Variants in TMPRSS7 observed in about 807,000 individuals in gnomAD.
TMPRSS7 encodes the protein transmembrane serine protease 7.
TMPRSS7 carries 81 observed loss-of-function variants against 95.6 expected under a neutral mutation model. That is an observed-to-expected ratio of 0.85 (90% confidence interval 0.71 to 1.02). TMPRSS7 has a LOEUF of 1.02. Ranked by LOEUF, TMPRSS7 falls within the 50% of genes least tolerant of loss-of-function variation. The probability of loss-of-function intolerance (pLI) is 0.00; values close to 1 mark genes in which losing one functional copy is unlikely to be tolerated. For synonymous variants in TMPRSS7, 364 were observed against 337.8 expected, an observed-to-expected ratio of 1.08 and a Z score of -0.85; for missense variants, 945 against 955.2, an observed-to-expected ratio of 0.99 and a Z score of 0.14.
intron 15 of TMPRSS7, among the ~76,000 whole-genome samples, chr3:112,076,051 A>G (rs150602817): frequency 1.3e-3 from 203 of 152,318 alleles, no homozygotes; most frequent in Non-Finnish European, 9.8e-4. Context: ...TTATTAAGAT[A>G]GCTTCACATC....
intron 16 of TMPRSS7, among the ~76,000 whole-genome samples, chr3:112,077,425 G>A (rs575570902): frequency 1.3e-5 from 2 of 152,256 alleles, no homozygotes; most frequent in South Asian, 4.1e-4. Context: ...AAACTCTGAA[G>A]GTTATGCTAT....
rs370919980 is a variant in TMPRSS7 at position 112,045,885 on chromosome 3, G to C, written c.633G>C (p.Arg211=). ...CCATCCAGACAAGCATCATAAACCG[G>C]ACCTCTGTGGGGAGCTTGCAGGGAC... Residue 211 remains arginine, a synonymous_variant, in exon 5 of 18, where the codon CGG becomes CGC. Transcript: ENST00000452346. 2.9e-5 allele frequency: 45 copies of C among 1,551,882 alleles called. No homozygotes were observed. In the African/African-American group the frequency reaches 5.9e-4, roughly 20 times the overall value.
At chr3:112,070,683 A>C (rs950129935) in intron 13 of TMPRSS7, among the ~76,000 whole-genome samples, 1 of 152,166 alleles carries the variant, frequency 6.6e-6, no homozygotes, top group Admixed American at 6.5e-5. Context: ...TTTGCTTGGT[A>C]GATCTTCCTC....
intron 10 of TMPRSS7, among the ~76,000 whole-genome samples, chr3:112,057,365 T>A (rs961770966): frequency 1.3e-5 from 2 of 152,242 alleles, no homozygotes; most frequent in Non-Finnish European, 2.9e-5. Flanking sequence ...GGGCTACAGA[T>A]ATGTATATTC....
intron 4 of TMPRSS7, among the ~76,000 whole-genome samples, chr3:112,044,833 T>C (rs1023402824): frequency 4.7e-5 from 7 of 149,326 alleles, no homozygotes; most frequent in African/African-American, 1.7e-4. Context: ...AGCCTTGGAG[T>C]ATAGCAACTT....
intron 10 of TMPRSS7, among the ~76,000 whole-genome samples, chr3:112,058,175 T>C (rs1051956983): frequency 6.6e-6 from 1 of 152,248 alleles, no homozygotes; most frequent in African/African-American, 2.4e-5. Context: ...CCTTTCTAAG[T>C]GCTTTTTCAG....
intron 13 of TMPRSS7, among the ~76,000 whole-genome samples, chr3:112,072,968 C>T (rs2073668377): frequency 6.6e-6 from 1 of 152,116 alleles, no homozygotes; most frequent in Non-Finnish European, 1.5e-5. Flanking sequence ...ATTTCTAGTT[C>T]TAGATCCCTG....
intron 7 of TMPRSS7, among the ~76,000 whole-genome samples, chr3:112,048,658 T>A (rs995761288): frequency 2.0e-5 from 3 of 152,206 alleles, no homozygotes; most frequent in African/African-American, 7.2e-5. Flanking sequence ...TGTCTATGGA[T>A]GTATGCAACA....
intron 13 of TMPRSS7, among the ~76,000 whole-genome samples, chr3:112,071,517 C>T (rs894678434): frequency 1.5e-4 from 23 of 152,224 alleles, no homozygotes; most frequent in Admixed American, 1.4e-3. Flanking sequence ...GGGAAGTTCT[C>T]ATGGATAATA....
Position 112,077,145 on chromosome 3 carries a change from G to A in TMPRSS7, c.2224+1G>A. On this transcript the variant is annotated splice_donor_variant, in intron 16 of 17. Transcript: ENST00000452346. LOFTEE classifies it high-confidence loss of function. ...GGCTGGGGGCGAAGACACGAAGCAG[G>A]TGTGTGTATGAATGAATGGTCATGC... The A allele has an allele frequency of 3.1e-6, 5 of 1,613,582 alleles. No homozygotes were observed. Among genetic ancestry groups the A allele is most frequent in the Non-Finnish European group, 4.2e-6 (5 of 1,179,730 alleles).
chr3:112,040,037 C>T (rs1413023171), intron 2 of TMPRSS7, among the ~76,000 whole-genome samples: 1 of 152,056 alleles, frequency 6.6e-6, no homozygotes, highest in Non-Finnish European at 1.5e-5. Context: ...TGTGCGGAAC[C>T]CCTGCCCCCA....
chr3:112,060,176 T>C (rs1014358987), intron 10 of TMPRSS7, among the ~76,000 whole-genome samples: 1 of 152,246 alleles, frequency 6.6e-6, no homozygotes, highest in Non-Finnish European at 1.5e-5. Context: ...ACAGAGATCA[T>C]GTACTTCACA....
At chr3:112,067,465 A>G (rs972415077) in intron 13 of TMPRSS7, among the ~76,000 whole-genome samples, 9 of 152,130 alleles carry the variant, frequency 5.9e-5, no homozygotes, top group Non-Finnish European at 1.0e-4. Flanking sequence ...AAGCATTCCT[A>G]TTTCTCCACA....
intron 9 of TMPRSS7, among the ~76,000 whole-genome samples, chr3:112,052,021 G>A (rs1029966136): frequency 3.3e-5 from 5 of 152,154 alleles, no homozygotes; most frequent in Non-Finnish European, 2.9e-5. Context: ...CAGAGCAGCA[G>A]CCCTGCTCTC....
chr3:112,049,901 G>T (rs769014181), exon 8 of TMPRSS7: 2 of 1,558,708 alleles, frequency 1.3e-6, no homozygotes, highest in Middle Eastern at 1.7e-4. Context: ...ATCTCATGTT[G>T]GTGACATTTA....
In TMPRSS7 at chr3:112,048,854, A is replaced by G. The variant is rs1395200532; in HGVS notation, c.959+887A>G. On this transcript the variant is annotated intron_variant, in intron 7 of 17. Transcript: ENST00000452346. ...CTCATTTAATCCTCAGCAAAATGCTATGAGGAGCATACTATTATTATTACT... is the reference window on the plus strand; with the variant it reads ...CTCATTTAATCCTCAGCAAAATGCTGTGAGGAGCATACTATTATTATTACT... Among the ~76,000 whole-genome samples the G allele has an allele frequency of 2.6e-5, 4 of 152,182 alleles. No homozygotes were observed. The South Asian group carries it at 6.2e-4, about 24-fold the overall frequency.
At chr3:112,051,649 TATCTATCTATCTATCTATC>T (rs1186172044) in intron 9 of TMPRSS7, among the ~76,000 whole-genome samples, 45 of 82,794 alleles carry the variant, frequency 5.4e-4, no homozygotes, top group African/African-American at 1.5e-3. Flanking sequence ...TCTATCTATC[TATCTATCTATCTATCTATC>T]ATCTATCTAT....
chr3:112,049,819 CTTTTG>C lies in TMPRSS7; in HGVS notation c.960-20_960-16del. The stretch of plus-strand genomic sequence containing the variant: ...TCTCAAATAACGTATTATTCATGTA[CTTTTG>C]TTTTATTATCTGCTTTCAGAATTTG... On this transcript the variant is annotated intron_variant, in intron 7 of 17. Transcript: ENST00000452346. The C allele has an allele frequency of 6.7e-7, 1 of 1,495,766 alleles. No homozygotes were observed. Among genetic ancestry groups the C allele is most frequent in the Non-Finnish European group, 9.0e-7 (1 of 1,110,490 alleles). The allele number at this position is 1,495,766 out of a possible 1,614,324, so 92.7% of individuals were successfully genotyped here. A position where few individuals can be genotyped will look rare whatever the true frequency, so the allele number is the denominator to read the frequency against.
intron 4 of TMPRSS7, among the ~76,000 whole-genome samples, chr3:112,045,174 G>C (rs1352273111): frequency 6.6e-6 from 1 of 152,170 alleles, no homozygotes; most frequent in Admixed American, 6.5e-5. Flanking sequence ...TTGAGACAGA[G>C]TCTCGCTCTG....
Sources: gnomAD v4.1 joint callset for allele counts (sites outside exome capture counted in the v4.1 genomes callset) on GRCh38, gnomAD v4.1.1 for gene constraint, MANE v1.5 for transcripts, NCBI Gene and HGNC (gene_info 2026-07-23, HGNC 2026-07-21) for gene names.